Variants in ERV3-1 observed in about 807,000 individuals in gnomAD.
The protein encoded by ERV3-1 is endogenous retrovirus group 3 member 1, envelope.
ERV3-1 carries 36 observed loss-of-function variants against 24.6 expected under a neutral mutation model. The ratio of observed to expected loss-of-function variants is 1.47; its 90% CI spans 1.12 to 1.94. ERV3-1 has a LOEUF of 1.94. Among genes scored for constraint, ERV3-1 ranks in the 30% most tolerant of loss-of-function variants. The pLI is 0.00. For synonymous variants in ERV3-1, 211 were observed against 122.6 expected, an observed-to-expected ratio of 1.72 and a Z score of -4.76; for missense variants, 578 against 330.9, an observed-to-expected ratio of 1.75 and a Z score of -5.79.
At chr7:65,005,762 T>A (rs1056671357) in intron 1 of ERV3-1, among the ~76,000 whole-genome samples, 1 of 152,074 alleles carries the variant, frequency 6.6e-6, no homozygotes, top group African/African-American at 2.4e-5. Flanking sequence ...AGTGTGAAAA[T>A]AATTAAGTGG....
chr7:64,993,698 A>G (rs995966474), intron 1 of ERV3-1, among the ~76,000 whole-genome samples: 1 of 152,140 alleles, frequency 6.6e-6, no homozygotes, highest in African/African-American at 2.4e-5. Flanking sequence ...ACAGTATTTC[A>G]TAGGGCGAAT....
intron 1 of ERV3-1, among the ~76,000 whole-genome samples, chr7:64,998,710 T>C (rs912430353): frequency 6.6e-6 from 1 of 151,994 alleles, no homozygotes; most frequent in Admixed American, 6.6e-5. Context: ...GGAGGGTTCA[T>C]ATGAGTCCTG....
intron 1 of ERV3-1, among the ~76,000 whole-genome samples, chr7:65,005,859 A>ATT (rs1786635782): frequency 6.6e-6 from 1 of 152,226 alleles, no homozygotes; most frequent in Non-Finnish European, 1.5e-5. Flanking sequence ...AAAGTATTAC[A>ATT]TTGGGGGAAA....
chr7:65,006,427 G>C, intron 1 of ERV3-1, 114 bp downstream of exon 1: 2 of 1,481,338 alleles, frequency 1.4e-6, no homozygotes, highest in South Asian at 2.3e-5. Context: ...GAGAACTCGG[G>C]GCCGCGGATT....
intron 1 of ERV3-1, among the ~76,000 whole-genome samples, chr7:65,005,901 C>A (rs1162171451): frequency 6.6e-6 from 1 of 152,144 alleles, no homozygotes; most frequent in African/African-American, 2.4e-5. Flanking sequence ...CTATAAACTG[C>A]CAATTAACCT....
chr7:64,997,230 G>A (rs4718178), intron 1 of ERV3-1, among the ~76,000 whole-genome samples: 46,706 of 152,116 alleles, frequency 0.31, 8,124 homozygotes, highest in South Asian at 0.42. Flanking sequence ...AGTCTGATCA[G>A]CCTCTCTTTG....
At chr7:65,006,460 C>T in intron 1 of ERV3-1, 81 bp downstream of exon 1, 4 of 1,541,794 alleles carry the variant, frequency 2.6e-6, no homozygotes, top group Non-Finnish European at 3.6e-6. Flanking sequence ...GCGGGGAGGC[C>T]AGAGTCCCGC....
At chr7:64,996,110 G>A (rs1786404492) in intron 1 of ERV3-1, among the ~76,000 whole-genome samples, 1 of 152,170 alleles carries the variant, frequency 6.6e-6, no homozygotes, top group Non-Finnish European at 1.5e-5. Flanking sequence ...AAGTATACAG[G>A]TTTGGTACTA....
In ERV3-1 at chr7:64,990,918, C is replaced by T. The variant is rs1786248365; in HGVS notation, c.*294G>A. 2 of 235,218 alleles carry T rather than the reference C, an allele frequency of 8.5e-6. No individual in the cohort carries two copies. Among genetic ancestry groups the T allele is most frequent in the Non-Finnish European group, 1.6e-5 (2 of 122,396 alleles). 14.6% of individuals were successfully genotyped at this position (235,218 alleles called of 1,614,324 possible). On this transcript the variant is annotated 3_prime_UTR_variant, in exon 2 of 2. Transcript: ENST00000394323. ...TTCCTTTTATATTTCCTGCTTCATT[C>T]CCCCCTTTGATGCTTTTTATAAGTA...
At position 64,999,911 on chromosome 7, in the gene ERV3-1, T is replaced by C. The variant is rs190935801; in HGVS notation, c.-388-6497A>G. ...GAAGGACTTGTTTTCCCTTTACTTG[T>C]TTTTCCTTTTATATTTCCTGCCTCA... On this transcript the variant is annotated intron_variant, in intron 1 of 1. Transcript: ENST00000394323. 3.3e-3 allele frequency among the ~76,000 whole-genome samples: 499 copies of C among 152,264 alleles called. 6 individuals are homozygous for C. The highest frequency in any genetic ancestry group is 0.011 in the African/African-American group (473 of 41,546).
rs1786322949 is a variant in ERV3-1, at chr7:64,993,179, C to T, written c.-153G>A. On this transcript the variant is annotated 5_prime_UTR_variant, in exon 2 of 2. Coordinates refer to ENST00000394323, the MANE Select transcript of ERV3-1 (RefSeq NM_001007253.4). ...GACTCAAGCTTCGGCCGTGCATAGA[C>T]TAGTCAGCTTCTGGGGTGACTAGAG... is the stretch of plus-strand genomic sequence containing the variant. 3 of 598,110 alleles carry T rather than the reference C, an allele frequency of 5.0e-6. No homozygotes were observed. The highest frequency in any genetic ancestry group is 8.9e-6 in the Non-Finnish European group (3 of 336,834). The allele number at this position is 598,110 out of a possible 1,614,324, so 37.1% of individuals were successfully genotyped here.
At chr7:64,995,954 G>A (rs562250839) in intron 1 of ERV3-1, among the ~76,000 whole-genome samples, 10 of 152,288 alleles carry the variant, frequency 6.6e-5, no homozygotes, top group Admixed American at 1.3e-4. Flanking sequence ...TAGTCCAGGC[G>A]AGCTGTCCCC....
intron 1 of ERV3-1, among the ~76,000 whole-genome samples, chr7:64,993,805 G>T (rs1786341309): frequency 6.6e-6 from 1 of 152,178 alleles, no homozygotes. Flanking sequence ...TATTTCTTCA[G>T]TAGCTGTTTG....
intron 1 of ERV3-1, among the ~76,000 whole-genome samples, chr7:64,999,157 T>G (rs1786467927): frequency 2.0e-5 from 3 of 152,152 alleles, no homozygotes; most frequent in Non-Finnish European, 4.4e-5. Flanking sequence ...AATCGTCCTG[T>G]AGCCCCTTAG....
rs370455269 is a variant in ERV3-1, at chr7:64,992,767, G to T, written c.260C>A (p.Ser87Ter). Residue 87 changes from serine to a stop codon, truncating the protein, a stop_gained, in exon 2 of 2, where the codon TCA (serine) becomes TAA (stop). Transcript: ENST00000394323. LOFTEE classifies it high-confidence loss of function. ...QPYVCYDPKS[S>*]PGTWFEIHVG... ...ATGAATTTCAAACCAGGTCCCAGGT[G>T]AAGACTTAGGGTCATAACACACATA... 6.5e-6 allele frequency: 5 copies of T among 766,300 alleles called. No homozygotes were observed. In the Admixed American group the frequency reaches 8.5e-5, roughly 13 times the overall value. 47.5% of individuals were successfully genotyped at this position (766,300 alleles called of 1,614,324 possible). A position where few individuals can be genotyped will look rare whatever the true frequency, so the allele number is the denominator to read the frequency against.
intron 1 of ERV3-1, among the ~76,000 whole-genome samples, chr7:64,995,939 G>A (rs191067820): frequency 4.7e-4 from 72 of 152,304 alleles, no homozygotes; most frequent in Admixed American, 9.8e-4. Flanking sequence ...ACCCTTGTGG[G>A]AGACTAGTCC....
At position 65,006,538 on chromosome 7, in the gene ERV3-1, C is replaced by G. The variant is rs976491279; in HGVS notation, c.-389+3G>C. 6 of 1,576,354 alleles carry G rather than the reference C, an allele frequency of 3.8e-6. No homozygotes were observed. Among genetic ancestry groups the G allele is most frequent in the Non-Finnish European group, 5.2e-6 (6 of 1,147,432 alleles). ...CTCGGGATGTCGGACCCGGCACTCT[C>G]ACCATTTCTAGGCTTCCAGTGGGTC... is the stretch of plus-strand genomic sequence containing the variant. On this transcript the variant is annotated splice_donor_region_variant and intron_variant, in intron 1 of 1. Transcript: ENST00000394323.
chr7:64,992,826 G>C lies in ERV3-1; in HGVS notation c.201C>G (p.Thr67=), dbSNP rs1033733101. 5 of 766,300 alleles carry C rather than the reference G, an allele frequency of 6.5e-6. No individual in the cohort carries two copies. Among genetic ancestry groups the C allele is most frequent in the African/African-American group, 3.4e-5 (2 of 59,136 alleles). The allele number at this position is 766,300 out of a possible 1,614,324, so 47.5% of individuals were successfully genotyped here. A position where few individuals can be genotyped will look rare whatever the true frequency, so the allele number is the denominator to read the frequency against. Residue 67 remains threonine, a synonymous_variant, in exon 2 of 2, where the codon ACC becomes ACG. Coordinates refer to ENST00000394323, the MANE Select transcript of ERV3-1 (RefSeq NM_001007253.4). The part of the protein sequence containing the change: ...CLGTCTHNQT[T]YSVCDPGRGQ... ...CCCTTCCTGGGTCACAGACTGAGTA[G>C]GTTGTCTGGTTGTGAGTACAAGTTC... is the stretch of plus-strand genomic sequence containing the variant.
Position 65,006,643 on chromosome 7 carries a change from A to C in ERV3-1, c.-491T>G, listed in dbSNP as rs571664326. 3.3e-6 allele frequency: 5 copies of C among 1,529,554 alleles called. No homozygotes were observed. The allele number at this position is 1,529,554 out of a possible 1,614,324, so 94.7% of individuals were successfully genotyped here. ...CTGGGCCTCTAGGAGCAGAAGACAC[A>C]GAGCAGTGAAGACTACACCAGAAGC... On this transcript the variant is annotated 5_prime_UTR_variant, in exon 1 of 2. Coordinates refer to ENST00000394323, the MANE Select transcript of ERV3-1 (RefSeq NM_001007253.4).
Sources: allele counts gnomAD v4.1 joint callset (sites outside exome capture counted in the v4.1 genomes callset), GRCh38; gene constraint gnomAD v4.1.1; transcripts MANE v1.5; gene names NCBI Gene and HGNC (gene_info 2026-07-23, HGNC 2026-07-21).